Variants in LMF1 observed in about 807,000 individuals in gnomAD.
LMF1 encodes transmembrane protein 112.
In LMF1, 68 loss-of-function variants were observed where a neutral mutation model predicts 60.6. That is an observed-to-expected ratio of 1.12 (90% CI 0.92 to 1.37). The LOEUF is 1.37. Ranked by LOEUF, LMF1 falls within the 40% of genes most tolerant of loss-of-function variation. The pLI, the probability that LMF1 is intolerant of heterozygous loss-of-function variation, is 0.00. For synonymous variants in LMF1, 418 were observed against 324.7 expected (o/e 1.29, Z -3.09); for missense variants, 948 against 767.2 (o/e 1.24, Z -2.78).
chr16:955,755 A>C (rs898196870), intron 1 of LMF1, among the ~76,000 whole-genome samples: 23 of 152,376 alleles, frequency 1.5e-4, no homozygotes, highest in African/African-American at 4.6e-4. Context: ...CTACACACAG[A>C]CAGCCAGCTG....
At chr16:854,883 T>C in intron 10 of LMF1, 177 bp from the exon 11 acceptor site, 1 of 658,004 alleles carries the variant, frequency 1.5e-6, no homozygotes. Context: ...GCAGGGCAAC[T>C]GTTCCAGTCG....
chr16:865,717 C>T (rs1294185365), intron 10 of LMF1, among the ~76,000 whole-genome samples: 1 of 152,138 alleles, frequency 6.6e-6, no homozygotes, highest in Non-Finnish European at 1.5e-5. Flanking sequence ...TCTTATTTCT[C>T]CAAGTACATT....
chr16:947,600 C>G, intron 2 of LMF1: 1 of 456,048 alleles, frequency 2.2e-6, no homozygotes, highest in South Asian at 1.5e-5. Flanking sequence ...AAGGAGGACC[C>G]CTGAGGTGTC....
Position 871,253 on chromosome 16 carries a change from C to T in LMF1, c.986G>A (p.Gly329Glu). The T allele has an allele frequency of 1.2e-6, 2 of 1,612,454 alleles. No individual in the cohort carries two copies. Among genetic ancestry groups the T allele is most frequent in the Non-Finnish European group, 1.7e-6 (2 of 1,179,776 alleles). Residue 329 changes from glycine (G) to glutamate (E), a missense_variant, in exon 7 of 11, where the codon GGA (glycine) becomes GAA (glutamate). Transcript: ENST00000262301. ...SLACFDDATL[G>E]FLFPSGPGSL... ...GCCTGGCCCAGAGGGGAACAAGAAT[C>T]CCAGGGTGGCGTCATCAAAGCAGGC...
chr16:917,435 G>A (rs568128638), intron 3 of LMF1, among the ~76,000 whole-genome samples: 3 of 144,418 alleles, frequency 2.1e-5, no homozygotes, highest in South Asian at 2.3e-4. Flanking sequence ...TGTGCGCTGC[G>A]GGCGGGCGCA....
chr16:911,517 ACTGGGG>A (rs2071112190), intron 3 of LMF1, among the ~76,000 whole-genome samples: 1 of 140,166 alleles, frequency 7.1e-6, no homozygotes, highest in African/African-American at 2.7e-5. Context: ...GGGAGGCAGC[ACTGGGG>A]AGGCAGCACT....
intron 10 of LMF1, among the ~76,000 whole-genome samples, chr16:862,961 G>C (rs982119253): frequency 6.6e-6 from 1 of 152,118 alleles, no homozygotes; most frequent in African/African-American, 2.4e-5. Flanking sequence ...AACCATCTGA[G>C]CCTGGATATT....
At chr16:894,457 C>T (rs1444399845) in intron 4 of LMF1, among the ~76,000 whole-genome samples, 1 of 151,262 alleles carries the variant, frequency 6.6e-6, no homozygotes, top group Non-Finnish European at 1.5e-5. Context: ...CCCACCCATC[C>T]CCCTGTCCAC....
chr16:958,443 C>T (rs1010261044), intron 1 of LMF1, among the ~76,000 whole-genome samples: 1 of 152,116 alleles, frequency 6.6e-6, no homozygotes, highest in African/African-American at 2.4e-5. Context: ...AAAAACCAGG[C>T]CACAAGGTCT....
rs139430067 is a variant in LMF1 at position 969,957 on chromosome 16, G to A, written c.193+831C>T. 1.2e-3 allele frequency among the ~76,000 whole-genome samples: 181 copies of A among 152,354 alleles called. 1 individual carries two copies. The highest frequency in any genetic ancestry group is 3.9e-3 in the African/African-American group (162 of 41,586). ...GCCAGGGGATCCAGAGGTTTTGAGC[G>A]TGAACTGACTTTTCTCAGAGCTCTG... On this transcript the variant is annotated intron_variant, in intron 1 of 10. Transcript: ENST00000262301.
chr16:912,918 C>A (rs1469303953), intron 3 of LMF1, among the ~76,000 whole-genome samples: 1 of 152,248 alleles, frequency 6.6e-6, no homozygotes, highest in Non-Finnish European at 1.5e-5. Context: ...GCGGCCTCAG[C>A]GCCAAGGTCA....
intron 4 of LMF1, among the ~76,000 whole-genome samples, chr16:907,067 C>T (rs1314867111): frequency 6.6e-6 from 1 of 152,148 alleles, no homozygotes; most frequent in Non-Finnish European, 1.5e-5. Context: ...AAATGCTATA[C>T]TTAACATTTT....
At chr16:934,627 G>A (rs374999378) in intron 2 of LMF1, 20 of 303,334 alleles carry the variant, frequency 6.6e-5, no homozygotes, top group South Asian at 3.7e-4. Context: ...GACCTCGAGC[G>A]CAGCTCATTA....
intron 3 of LMF1, among the ~76,000 whole-genome samples, chr16:922,192 T>G (rs73499223): frequency 0.12 from 17,832 of 152,206 alleles, 1,199 homozygotes; most frequent in Non-Finnish European, 0.16. Context: ...GCCATGCTCC[T>G]TGGCAGCAAC....
intron 2 of LMF1, among the ~76,000 whole-genome samples, chr16:945,434 T>G (rs7201247): frequency 0.49 from 74,706 of 151,318 alleles, 20,698 homozygotes; most frequent in African/African-American, 0.75. Flanking sequence ...GCTGAGCAGG[T>G]AGGATTGCTT....
chr16:858,105 T>G (rs2069265482), intron 10 of LMF1, among the ~76,000 whole-genome samples: 2 of 86,332 alleles, frequency 2.3e-5, no homozygotes, highest in Admixed American at 2.1e-4. Context: ...GTGTGAGTGG[T>G]GTCTCGGGAT....
intron 2 of LMF1, among the ~76,000 whole-genome samples, chr16:952,932 C>T (rs1297931023): frequency 1.8e-5 from 2 of 108,776 alleles, no homozygotes. Flanking sequence ...CACAGACACC[C>T]ACCCCAAACC....
At chr16:960,590 GAC>G (rs1359538465) in intron 1 of LMF1, among the ~76,000 whole-genome samples, 139 of 95,878 alleles carry the variant, frequency 1.4e-3, no homozygotes, top group East Asian at 1.8e-3. Flanking sequence ...TCACGACCCA[GAC>G]ACAGACTCAC....
chr16:896,783 A>G (rs1215866525), intron 4 of LMF1, among the ~76,000 whole-genome samples: 2 of 152,240 alleles, frequency 1.3e-5, no homozygotes, highest in Admixed American at 1.3e-4. Context: ...AGAAAAAAAC[A>G]AAATAATTAA....
Sources: allele counts gnomAD v4.1 joint callset (sites outside exome capture counted in the v4.1 genomes callset), GRCh38; gene constraint gnomAD v4.1.1; transcripts MANE v1.5; gene names NCBI Gene and HGNC (gene_info 2026-07-23, HGNC 2026-07-21).